The following PCBP3 variants were observed in gnomAD, a reference collection of about 807,000 sequenced individuals.
The protein encoded by PCBP3 is poly(rC)-binding protein 3.
A neutral mutation model predicts 52.7 loss-of-function variants in PCBP3; 25 were observed. The observed-to-expected ratio is 0.47, with a 90% CI of 0.35 to 0.66. The LOEUF (loss-of-function observed/expected upper bound fraction) is 0.66. Among genes scored for constraint, PCBP3 ranks in the 30% least tolerant of loss-of-function variants. The probability of loss-of-function intolerance (pLI) is 0.01; values close to 1 mark genes in which losing one functional copy is unlikely to be tolerated. For synonymous variants in PCBP3, 162 were observed against 183.0 expected, an observed-to-expected ratio of 0.89 and a Z score of 0.93; for missense variants, 391 against 490.3, an observed-to-expected ratio of 0.80 and a Z score of 1.91.
At chr21:45,902,675 A>G (rs535691060) in intron 9 of PCBP3, among the ~76,000 whole-genome samples, 2 of 152,374 alleles carry the variant, frequency 1.3e-5, no homozygotes, top group South Asian at 2.1e-4. Flanking sequence ...GACACATCCC[A>G]TAGCCATGAG....
intron 5 of PCBP3, among the ~76,000 whole-genome samples, chr21:45,876,694 T>C (rs1409643068): frequency 6.6e-6 from 1 of 152,212 alleles, no homozygotes; most frequent in Non-Finnish European, 1.5e-5. Flanking sequence ...ATTTCCGCCG[T>C]CCTGGCCTCG....
At chr21:45,793,601 A>T (rs1214266150) in intron 4 of PCBP3, among the ~76,000 whole-genome samples, 2 of 152,148 alleles carry the variant, frequency 1.3e-5, no homozygotes, top group South Asian at 4.2e-4. Flanking sequence ...GGCGCGGGGA[A>T]AACATGGCTG....
intron 5 of PCBP3, among the ~76,000 whole-genome samples, chr21:45,858,052 G>T (rs1317094792): frequency 6.6e-6 from 1 of 152,202 alleles, no homozygotes; most frequent in Non-Finnish European, 1.5e-5. Flanking sequence ...TGCCTTGCGG[G>T]CCATGCCCCA....
intron 2 of PCBP3, among the ~76,000 whole-genome samples, chr21:45,717,433 A>G (rs1449908537): frequency 6.6e-6 from 1 of 152,140 alleles, no homozygotes; most frequent in African/African-American, 2.4e-5. Flanking sequence ...AAAAGCTTTC[A>G]ATCTTTTACT....
chr21:45,665,248 A>G (rs2080718933), intron 1 of PCBP3, among the ~76,000 whole-genome samples: 1 of 152,046 alleles, frequency 6.6e-6, no homozygotes, highest in African/African-American at 2.4e-5. Context: ...CAAAAAAATA[A>G]AAATAAAAAA....
intron 5 of PCBP3, among the ~76,000 whole-genome samples, chr21:45,866,869 C>T (rs1006357092): frequency 1.3e-5 from 2 of 152,060 alleles, no homozygotes; most frequent in Non-Finnish European, 2.9e-5. Context: ...TGTACTAGGG[C>T]GGAGGTCGGG....
At position 45,898,044 on chromosome 21, in the gene PCBP3, A is replaced by G. The variant is rs552457573; in HGVS notation, c.166-1555A>G. Among the ~76,000 whole-genome samples, 19 of 151,286 alleles carry G rather than the reference A, an allele frequency of 1.3e-4. No individual in the cohort carries two copies. The South Asian group carries it at 4.0e-3, about 32-fold the overall frequency. On this transcript the variant is annotated intron_variant, in intron 6 of 17. Transcript: ENST00000681687. ...TCCGGGAAGACACGGCCTCCTCCCC[A>G]GGGGAAGGTGGTGGTGCCCACACCC...
intron 3 of PCBP3, chr21:45,749,530 G>A (rs1380921707): frequency 6.6e-6 from 1 of 152,338 alleles, no homozygotes; most frequent in African/African-American, 2.4e-5. Context: ...GGGAGGGGTG[G>A]AGATGGCTGT....
chr21:45,938,776 A>G (rs79927068), intron 16 of PCBP3, among the ~76,000 whole-genome samples: 1,698 of 152,306 alleles, frequency 0.011, 39 homozygotes, highest in African/African-American at 0.038. Context: ...TCTGTAGTCC[A>G]GTGAGACAGC....
chr21:45,922,195 A>T (rs2074537424), intron 13 of PCBP3, among the ~76,000 whole-genome samples: 1 of 152,184 alleles, frequency 6.6e-6, no homozygotes, highest in African/African-American at 2.4e-5. Flanking sequence ...TGCACCTTTA[A>T]TTACAGCGGG....
At chr21:45,746,225 T>TTG (rs200128280) in intron 3 of PCBP3, among the ~76,000 whole-genome samples, 2 of 73,230 alleles carry the variant, frequency 2.7e-5, no homozygotes, top group East Asian at 4.8e-4. Flanking sequence ...GCACACGGTG[T>TTG]TGTCAGCATC....
At chr21:45,868,323 G>T (rs2094836451) in intron 5 of PCBP3, among the ~76,000 whole-genome samples, 1 of 152,112 alleles carries the variant, frequency 6.6e-6, no homozygotes, top group Admixed American at 6.5e-5. Flanking sequence ...CTGCCTGCCC[G>T]GCTGCCTGGA....
intron 4 of PCBP3, chr21:45,761,410 G>T (rs1042184218): frequency 6.6e-6 from 1 of 152,058 alleles, no homozygotes. Context: ...CTCTTTGCTC[G>T]CAAGCTGTGT....
At position 45,941,922 on chromosome 21, in the gene PCBP3, T is replaced by C. The variant is rs547593440; in HGVS notation, c.*216T>C. On this transcript the variant is annotated 3_prime_UTR_variant, in exon 18 of 18. Transcript: ENST00000681687. Reference sequence around the variant, plus strand: ...CCGCCGAGTCCCCCCTCAGTGTTATTTTATTTATGACTTACGCTCCCGTCT... The same window carrying C: ...CCGCCGAGTCCCCCCTCAGTGTTATCTTATTTATGACTTACGCTCCCGTCT... 6 of 429,984 alleles carry C rather than the reference T, an allele frequency of 1.4e-5. No individual in the cohort carries two copies. The highest frequency in any genetic ancestry group is 1.2e-4 in the African/African-American group (6 of 49,058). The allele number at this position is 429,984 out of a possible 1,614,324, so 26.6% of individuals were successfully genotyped here.
At position 45,704,210 on chromosome 21, in the gene PCBP3, G is replaced by A. The variant is rs2083305235; in HGVS notation, c.-199-31182G>A. Among the ~76,000 whole-genome samples, 1 of 152,164 alleles carries A rather than the reference G, an allele frequency of 6.6e-6. No individual in the cohort carries two copies. Among genetic ancestry groups the A allele is most frequent in the Non-Finnish European group, 1.5e-5 (1 of 68,022 alleles). On this transcript the variant is annotated intron_variant, in intron 2 of 17. Coordinates refer to ENST00000681687, the MANE Select transcript of PCBP3 (RefSeq NM_001384156.1). The surrounding 1 kb of genome is among the most constrained non-coding windows in gnomAD (Gnocchi z 4.1). Reference sequence around the variant, plus strand: ...TGGTGAAGGTCATATCAGATGCTGGGGATGGCTCCAAGGAGACTCTGGTGG... The same window carrying A: ...TGGTGAAGGTCATATCAGATGCTGGAGATGGCTCCAAGGAGACTCTGGTGG...
intron 4 of PCBP3, among the ~76,000 whole-genome samples, chr21:45,838,823 C>T (rs775728065): frequency 2.0e-5 from 3 of 152,126 alleles, no homozygotes; most frequent in Non-Finnish European, 4.4e-5. Flanking sequence ...TCAGTGCCTA[C>T]AGTCCTTCTC....
Position 45,821,793 on chromosome 21 carries a change from C to T in PCBP3, c.-125-28168C>T, listed in dbSNP as rs557849609. 2.4e-3 allele frequency among the ~76,000 whole-genome samples: 365 copies of T among 152,280 alleles called. 2 individuals carry two copies. Among genetic ancestry groups the T allele is most frequent in the South Asian group, 6.0e-3 (29 of 4,826 alleles). ...TGTTCCCTCTACTGTACTGGAGCTC[C>T]AGGTCATGGGAGGCAGCAGAGCCCA... On this transcript the variant is annotated intron_variant, in intron 4 of 17. Coordinates refer to ENST00000681687, the MANE Select transcript of PCBP3 (RefSeq NM_001384156.1). This position sits in a 1 kb window ranked among gnomAD's most constrained non-coding sequence, Gnocchi z 4.4.
intron 2 of PCBP3, among the ~76,000 whole-genome samples, chr21:45,716,532 T>C (rs1224002655): frequency 6.6e-6 from 1 of 152,208 alleles, no homozygotes; most frequent in East Asian, 1.9e-4. Flanking sequence ...TCTTGCTGTG[T>C]CTTCACTGTT....
intron 1 of PCBP3, among the ~76,000 whole-genome samples, chr21:45,661,747 T>C (rs1445218549): frequency 2.6e-5 from 4 of 152,218 alleles, no homozygotes; most frequent in Non-Finnish European, 1.5e-5. Flanking sequence ...CTGTTTTCCA[T>C]AGAGATTGTA....
Sources: gnomAD v4.1 joint callset for allele counts (sites outside exome capture counted in the v4.1 genomes callset) on GRCh38, gnomAD v4.1.1 for gene constraint, Gnocchi (gnomAD v3.1) non-coding constraint, MANE v1.5 for transcripts, NCBI Gene and HGNC (gene_info 2026-07-23, HGNC 2026-07-21) for gene names.